Variants in LVRN observed in about 807,000 individuals in gnomAD.
LVRN encodes aminopeptidase Q.
A neutral mutation model predicts 111.4 loss-of-function variants in LVRN; 99 were observed. The observed-to-expected ratio is 0.89, with a 90% CI of 0.76 to 1.05. The LOEUF (loss-of-function observed/expected upper bound fraction) is 1.05. Ranked by LOEUF, LVRN falls within the 50% of genes least tolerant of loss-of-function variation. The pLI is 0.00. For missense variants in LVRN, 1,414 were observed against 1,206.8 expected, an observed-to-expected ratio of 1.17 and a Z score of -2.54; for synonymous variants, 488 against 449.5, an observed-to-expected ratio of 1.09 and a Z score of -1.08.
chr5:115,977,151 T>A (rs1273937336), intron 1 of LVRN, among the ~76,000 whole-genome samples: 2 of 152,186 alleles, frequency 1.3e-5, no homozygotes, highest in East Asian at 3.8e-4. Context: ...TTACTATTTG[T>A]CCAAAGACTT....
At chr5:116,016,121 C>A (rs1188419176) in intron 18 of LVRN, among the ~76,000 whole-genome samples, 1 of 152,130 alleles carries the variant, frequency 6.6e-6, no homozygotes, top group African/African-American at 2.4e-5. Context: ...CTTTCTACAT[C>A]TTATGCATTT....
intron 6 of LVRN, among the ~76,000 whole-genome samples, chr5:115,996,294 A>G (rs1279229754): frequency 2.0e-5 from 3 of 152,198 alleles, no homozygotes; most frequent in Admixed American, 6.5e-5. Flanking sequence ...ATCTTGCAAA[A>G]CTTGCCAAAA....
intron 4 of LVRN, among the ~76,000 whole-genome samples, chr5:115,989,071 C>T (rs1747928373): frequency 6.6e-6 from 1 of 152,052 alleles, no homozygotes; most frequent in Admixed American, 6.6e-5. Flanking sequence ...TCATCTCCAC[C>T]ACAGCTGTAC....
chr5:115,991,318 A>C (rs1056317580), intron 4 of LVRN, among the ~76,000 whole-genome samples: 1 of 152,182 alleles, frequency 6.6e-6, no homozygotes, highest in African/African-American at 2.4e-5. Context: ...TTCCCAGACC[A>C]GCTTCTTTCA....
At chr5:115,967,260 T>C (rs1753223259) in intron 1 of LVRN, among the ~76,000 whole-genome samples, 1 of 152,248 alleles carries the variant, frequency 6.6e-6, no homozygotes, top group Non-Finnish European at 1.5e-5. Context: ...TTCTATGTTG[T>C]CTTCCGAAAG....
intron 1 of LVRN, among the ~76,000 whole-genome samples, chr5:115,980,191 G>A (rs917374254): frequency 1.3e-5 from 2 of 152,110 alleles, no homozygotes; most frequent in Admixed American, 1.3e-4. Flanking sequence ...GAAGGGAGGA[G>A]AGGGTGGTGG....
chr5:115,996,171 A>C lies in LVRN; in HGVS notation c.1374+2317A>C, dbSNP rs962556345. On this transcript the variant is annotated intron_variant, in intron 6 of 19. Coordinates refer to ENST00000357872, the MANE Select transcript of LVRN (RefSeq NM_173800.5). ...TGTGGATAGAGTAAATAAGGGAAGA[A>C]GTTTAATTCCCATAAGACAATGAAA... Among the ~76,000 whole-genome samples the C allele has an allele frequency of 2.0e-5, 3 of 152,316 alleles. No homozygotes were observed. In the Middle Eastern group the frequency reaches 0.01, roughly 518 times the overall value.
chr5:116,005,771 ATTG>A (rs1355002312), intron 12 of LVRN, 138 bp from the exon 13 acceptor site: 3 of 719,610 alleles, frequency 4.2e-6, no homozygotes, highest in Non-Finnish European at 7.7e-6. Flanking sequence ...GTCCTCAGTA[ATTG>A]TTGTTTCTCT....
chr5:115,997,832 T>A (rs545284357), intron 6 of LVRN, among the ~76,000 whole-genome samples: 35 of 152,290 alleles, frequency 2.3e-4, no homozygotes, highest in South Asian at 2.1e-3. Flanking sequence ...GCAATAGAAC[T>A]GAAACAGGCT....
chr5:115,980,831 A>G (rs1342100499), intron 1 of LVRN, among the ~76,000 whole-genome samples: 2 of 152,172 alleles, frequency 1.3e-5, no homozygotes, highest in Non-Finnish European at 2.9e-5. Flanking sequence ...AGAGGGCTCA[A>G]AGACCTCCTG....
At chr5:115,975,115 G>A (rs984345816) in intron 1 of LVRN, 10 of 399,312 alleles carry the variant, frequency 2.5e-5, no homozygotes, top group African/African-American at 1.7e-4. Flanking sequence ...AGACAAGCAT[G>A]GGCTCTTTCA....
chr5:115,981,999 G>A (rs11737969), intron 1 of LVRN, among the ~76,000 whole-genome samples: 67,353 of 152,064 alleles, frequency 0.44, 15,243 homozygotes, highest in African/African-American at 0.54. Context: ...ACTGTCCTGC[G>A]TTGCTCAGTT....
intron 1 of LVRN, 59 bp downstream of exon 1, chr5:115,963,371 C>T (rs1753134152): frequency 1.4e-6 from 2 of 1,410,454 alleles, no homozygotes; most frequent in African/African-American, 1.4e-5. Context: ...CCGGTGCAGG[C>T]TGCGGGTCCA....
chr5:115,972,887 A>G (rs1753357418), intron 1 of LVRN, among the ~76,000 whole-genome samples: 1 of 151,840 alleles, frequency 6.6e-6, no homozygotes, highest in East Asian at 1.9e-4. Flanking sequence ...TAATTTGTTA[A>G]TATGGTAAAT....
chr5:115,979,949 T>C (rs997960621), intron 1 of LVRN, among the ~76,000 whole-genome samples: 4 of 152,160 alleles, frequency 2.6e-5, no homozygotes, highest in Admixed American at 2.0e-4. Flanking sequence ...AGGTTTATTC[T>C]CCAAGGGTGT....
In LVRN at chr5:115,987,873, A is replaced by G. The variant is rs150630534; in HGVS notation, c.1039A>G (p.Ile347Val). 5.6e-6 allele frequency: 9 copies of G among 1,613,536 alleles called. No individual in the cohort carries two copies. The highest frequency in any genetic ancestry group is 6.8e-6 in the Non-Finnish European group (8 of 1,179,680). ...ANGSADFALNITGPIFSFLED... is the reference protein window; with the variant it reads ...ANGSADFALNVTGPIFSFLED... ...TGGAAGTGCAGACTTTGCTTTGAAC[A>G]TCACAGGTCCCATCTTCTCTTTTCT... is the stretch of plus-strand genomic sequence containing the variant. Residue 347 changes from isoleucine to valine, a missense_variant, in exon 4 of 20, where the codon ATC becomes GTC. Transcript: ENST00000357872.
At position 115,963,176 on chromosome 5, in the gene LVRN, T is replaced by C. The variant is rs759069789; in HGVS notation, c.559T>C (p.Tyr187His). 1.4e-5 allele frequency: 22 copies of C among 1,612,836 alleles called. No homozygotes were observed. The highest frequency in any genetic ancestry group is 1.8e-5 in the Non-Finnish European group (21 of 1,179,806). Residue 187 changes from tyrosine (Y) to histidine (H), a missense_variant, in exon 1 of 20, where the codon TAC (tyrosine) becomes CAC (histidine). Physicochemically the swap from Tyr to His is moderately conservative, Grantham distance 83. Transcript: ENST00000357872. ...CGTGTGGTTCGCGCTGGACACGGAA[T>C]ACATGGTGCTGGAGCTCAGTGAGCC... ...DDVWFALDTEYMVLELSEPLK... is the reference protein window; with the variant it reads ...DDVWFALDTEHMVLELSEPLK...
chr5:116,005,856 CTT>C, intron 12 of LVRN, 54 bp from the exon 13 acceptor site: 1 of 1,461,880 alleles, frequency 6.8e-7, no homozygotes, highest in Non-Finnish European at 9.6e-7. Flanking sequence ...ATTTTGAAAA[CTT>C]TGCGGAAAAA....
intron 1 of LVRN, among the ~76,000 whole-genome samples, chr5:115,970,936 A>G (rs1272240726): frequency 1.3e-5 from 2 of 152,208 alleles, no homozygotes; most frequent in African/African-American, 2.4e-5. Flanking sequence ...AGAAACTGCA[A>G]AACTGTTTTC....
Sources: allele counts gnomAD v4.1 joint callset (sites outside exome capture counted in the v4.1 genomes callset), GRCh38; gene constraint gnomAD v4.1.1; transcripts MANE v1.5; gene names NCBI Gene and HGNC (gene_info 2026-07-23, HGNC 2026-07-21).